The following SGCZ variants were observed in gnomAD, a reference collection of about 807,000 sequenced individuals.
SGCZ encodes the protein zeta-sarcoglycan.
SGCZ carries 40 observed loss-of-function variants against 41.3 expected under a neutral mutation model. The ratio of observed to expected loss-of-function variants is 0.97; its 90% confidence interval spans 0.75 to 1.26. SGCZ has a LOEUF of 1.26. Ranked by LOEUF, SGCZ falls within the 50% of genes most tolerant of loss-of-function variation. The probability of loss-of-function intolerance (pLI) is 0.00; values close to 1 mark genes in which losing one functional copy is unlikely to be tolerated. For synonymous variants in SGCZ, 206 were observed against 137.5 expected (o/e 1.50, Z -3.49); for missense variants, 552 against 369.8 (o/e 1.49, Z -4.04).
intron 5 of SGCZ, among the ~76,000 whole-genome samples, chr8:14,139,312 A>C (rs879354748): frequency 5.3e-5 from 8 of 152,336 alleles, no homozygotes; most frequent in South Asian, 2.1e-4. Context: ...ACACATTCCA[A>C]AGCTAGCAGA....
At chr8:14,464,228 G>T (rs1207664081) in intron 2 of SGCZ, among the ~76,000 whole-genome samples, 1 of 151,452 alleles carries the variant, frequency 6.6e-6, no homozygotes, top group Non-Finnish European at 1.5e-5. Context: ...GAATCCACTG[G>T]TGAAGCCATC....
At chr8:14,138,648 A>G (rs1475957529) in intron 5 of SGCZ, among the ~76,000 whole-genome samples, 2 of 152,236 alleles carry the variant, frequency 1.3e-5, no homozygotes, top group Admixed American at 6.5e-5. Context: ...TAACTATCCT[A>G]AATATATATG....
chr8:14,617,293 A>G (rs757155517), intron 1 of SGCZ, among the ~76,000 whole-genome samples: 6 of 152,202 alleles, frequency 3.9e-5, no homozygotes, highest in African/African-American at 2.4e-5. Flanking sequence ...AATTGAACTT[A>G]CATGTGTGAT....
chr8:14,491,481 C>A (rs1585587385), intron 2 of SGCZ, among the ~76,000 whole-genome samples: 1 of 152,194 alleles, frequency 6.6e-6, no homozygotes, highest in Non-Finnish European at 1.5e-5. Flanking sequence ...GAGTAATGTA[C>A]CAAACATAAC....
intron 1 of SGCZ, among the ~76,000 whole-genome samples, chr8:14,817,801 A>T (rs986631851): frequency 2.0e-5 from 3 of 152,122 alleles, no homozygotes; most frequent in African/African-American, 7.2e-5. Flanking sequence ...CTGGCAAACC[A>T]GCACACAGCT....
chr8:14,272,347 G>C (rs1210796652), intron 3 of SGCZ, among the ~76,000 whole-genome samples: 1 of 152,148 alleles, frequency 6.6e-6, no homozygotes, highest in Non-Finnish European at 1.5e-5. Context: ...ATTCCATACA[G>C]GGTGACTATA....
rs184731646 is a variant in SGCZ at position 14,581,084 on chromosome 8, G to A, written c.40-26158C>T. Among the ~76,000 whole-genome samples, 202 of 152,172 alleles carry A rather than the reference G, an allele frequency of 1.3e-3. 2 individuals carry two copies. Among genetic ancestry groups the A allele is most frequent in the Non-Finnish European group, 1.5e-3 (99 of 67,980 alleles). ...CTAAGCCTAAGGAAGAGGTTGTCTC[G>A]TACTTTGGTTACTAATTTTTTTTAT... On this transcript the variant is annotated intron_variant, in intron 1 of 7. Transcript: ENST00000382080.
At chr8:14,975,083 G>A (rs1412960938) in intron 1 of SGCZ, among the ~76,000 whole-genome samples, 2 of 152,106 alleles carry the variant, frequency 1.3e-5, no homozygotes, top group Non-Finnish European at 2.9e-5. Context: ...GAGGCAGGCA[G>A]ATCACAAGGT....
intron 1 of SGCZ, among the ~76,000 whole-genome samples, chr8:15,155,072 G>A (rs932739922): frequency 1.3e-5 from 2 of 152,124 alleles, no homozygotes; most frequent in African/African-American, 4.8e-5. Context: ...AAAGTGGATA[G>A]CTTGAGCCCA....
chr8:14,392,160 T>C (rs991145301), intron 2 of SGCZ, among the ~76,000 whole-genome samples: 1 of 152,184 alleles, frequency 6.6e-6, no homozygotes, highest in Admixed American at 6.6e-5. Context: ...AAATTATCAG[T>C]TATTTTAATT....
intron 1 of SGCZ, among the ~76,000 whole-genome samples, chr8:15,126,998 A>T (rs999553320): frequency 2.0e-5 from 3 of 152,202 alleles, no homozygotes; most frequent in African/African-American, 7.2e-5. Flanking sequence ...ACGTGTCTAG[A>T]CACATTCTAA....
intron 1 of SGCZ, among the ~76,000 whole-genome samples, chr8:14,903,643 T>C (rs990636293): frequency 6.6e-6 from 1 of 152,084 alleles, no homozygotes; most frequent in African/African-American, 2.4e-5. Flanking sequence ...AACACTATCC[T>C]GGAAGACTGA....
intron 2 of SGCZ, among the ~76,000 whole-genome samples, chr8:14,546,331 G>A (rs553768051): frequency 1.4e-4 from 22 of 152,260 alleles, no homozygotes; most frequent in African/African-American, 3.6e-4. Flanking sequence ...TCAGAAAGGC[G>A]GGCAAAAACT....
chr8:15,129,824 T>C (rs940678761), intron 1 of SGCZ, among the ~76,000 whole-genome samples: 5 of 151,912 alleles, frequency 3.3e-5, no homozygotes, highest in Non-Finnish European at 7.4e-5. Context: ...GAAAATTAGC[T>C]AGGAAGCAGT....
rs77082294 is a variant in SGCZ at position 15,170,361 on chromosome 8, G to T, written c.39+67224C>A. 9.8e-3 allele frequency among the ~76,000 whole-genome samples: 1,492 copies of T among 152,072 alleles called. 80 individuals are homozygous for T. Among genetic ancestry groups the T allele is most frequent in the East Asian group, 0.089 (459 of 5,170 alleles). On this transcript the variant is annotated intron_variant, in intron 1 of 7. Transcript: ENST00000382080. ...CACTGAGCACTTCCTCTTCCCCAAA[G>T]ATATAAAAAAAAAAGGAAAAAGCAC...
At chr8:14,573,492 G>C (rs1250318283) in intron 1 of SGCZ, among the ~76,000 whole-genome samples, 1 of 151,954 alleles carries the variant, frequency 6.6e-6, no homozygotes, top group Non-Finnish European at 1.5e-5. Flanking sequence ...CCGGCCGCAA[G>C]TCTTTTTTTA....
At chr8:14,491,504 G>A (rs13259013) in intron 2 of SGCZ, among the ~76,000 whole-genome samples, 31,599 of 152,002 alleles carry the variant, frequency 0.21, 3,363 homozygotes, top group Admixed American at 0.24. Context: ...TCAAGACTGT[G>A]AAGAATTTAT....
intron 1 of SGCZ, among the ~76,000 whole-genome samples, chr8:14,620,083 A>C (rs1049910114): frequency 1.4e-4 from 21 of 152,204 alleles, no homozygotes; most frequent in African/African-American, 5.1e-4. Context: ...TACTGGTACC[A>C]AAACAGAGAT....
chr8:14,546,405 T>C (rs1469336572), intron 2 of SGCZ, among the ~76,000 whole-genome samples: 1 of 152,140 alleles, frequency 6.6e-6, no homozygotes, highest in African/African-American at 2.4e-5. Flanking sequence ...CTCAGCAAAA[T>C]ATAGTTTAAC....
Sources: allele counts gnomAD v4.1 joint callset (sites outside exome capture counted in the v4.1 genomes callset), GRCh38; gene constraint gnomAD v4.1.1; transcripts MANE v1.5; gene names NCBI Gene and HGNC (gene_info 2026-07-23, HGNC 2026-07-21).